KLF7: variants seen among roughly 807,000 people sequenced by gnomAD.
KLF7 encodes the protein KLF transcription factor 7.
KLF7 carries 2 observed loss-of-function variants against 27.3 expected under a neutral mutation model. That is an observed-to-expected ratio of 0.07 (90% CI 0.03 to 0.23). The LOEUF (loss-of-function observed/expected upper bound fraction) is 0.23, where lower values mean the gene tolerates loss of function less well. KLF7 is among the 10% of genes least tolerant of loss of function. KLF7 has a pLI of 1.00. For missense variants in KLF7, 221 were observed against 394.1 expected (o/e 0.56, Z 3.72); for synonymous variants, 165 against 162.4 (o/e 1.02, Z -0.12).
At chr2:207,132,517 G>T (rs2077663565) in intron 1 of KLF7, among the ~76,000 whole-genome samples, 1 of 152,170 alleles carries the variant, frequency 6.6e-6, no homozygotes, top group Non-Finnish European at 1.5e-5. Context: ...TGTTTCCTTG[G>T]GGAGGTGGGT....
rs569002675 is a variant in KLF7, at chr2:207,085,508, AGGG to A, written c.857+2947_857+2949del. Among the ~76,000 whole-genome samples, 396 of 152,266 alleles carry A rather than the reference AGGG, an allele frequency of 2.6e-3. 1 individual carries two copies. Among genetic ancestry groups the A allele is most frequent in the African/African-American group, 9.2e-3 (382 of 41,556 alleles). On this transcript the variant is annotated intron_variant, in intron 3 of 3. Transcript: ENST00000309446. ...TTATCCCTCTAGCCACTGGTCACTCAGGGGGGCTGCACTGTCCAGTCAGATGGT... is the reference window on the plus strand; with the variant it reads ...TTATCCCTCTAGCCACTGGTCACTCAGGGCTGCACTGTCCAGTCAGATGGT...
At chr2:207,084,520 T>G (rs981368433) in intron 3 of KLF7, among the ~76,000 whole-genome samples, 10 of 152,158 alleles carry the variant, frequency 6.6e-5, no homozygotes, top group African/African-American at 2.4e-4. Context: ...ATGAGCATCA[T>G]TATTTGTTCA....
upstream of KLF7, chr2:207,166,756 C>G: frequency 1.0e-6 from 1 of 982,940 alleles, no homozygotes; most frequent in South Asian, 4.7e-5. Context: ...TCCTCACGTA[C>G]TCAAAAACAA....
Position 207,075,648 on chromosome 2 carries a change from A to C in KLF7, c.*5565T>G, listed in dbSNP as rs2076162746. The C allele has an allele frequency of 6.8e-6, 1 of 147,652 alleles. No homozygotes were observed. The highest frequency in any genetic ancestry group is 2.5e-5 in the African/African-American group (1 of 40,388). 9.1% of individuals were successfully genotyped at this position (147,652 alleles called of 1,614,324 possible). A position where few individuals can be genotyped will look rare whatever the true frequency, so the allele number is the denominator to read the frequency against. ...AGTGGCTGGGAAGTTGTGTGGGAGT[A>C]GGAAGTGGGAGAAGGAGCTTGACGC... On this transcript the variant is annotated 3_prime_UTR_variant, in exon 4 of 4. Coordinates refer to ENST00000309446, the MANE Select transcript of KLF7 (RefSeq NM_003709.4).
intron 1 of KLF7, among the ~76,000 whole-genome samples, chr2:207,133,185 G>A (rs1325923133): frequency 6.6e-6 from 1 of 152,152 alleles, no homozygotes; most frequent in Non-Finnish European, 1.5e-5. Context: ...ATTCAGGTTG[G>A]CACTCACTGG....
intron 1 of KLF7, chr2:207,149,299 A>G: frequency 2.1e-6 from 1 of 479,838 alleles, no homozygotes; most frequent in Admixed American, 3.2e-5. Flanking sequence ...TAGACTAGCC[A>G]TACATTTTTC....
chr2:207,084,405 ATAAGCATCTCCCTTTATCCTTCAAAT>A (rs1259765809), intron 3 of KLF7, among the ~76,000 whole-genome samples: 1 of 152,196 alleles, frequency 6.6e-6, no homozygotes, highest in Non-Finnish European at 1.5e-5. Context: ...CAATATATGT[ATAAGCATCTCCCTTTATCCTTCAAAT>A]TCAGGGAAAA....
chr2:207,134,222 C>T (rs2077720893), intron 1 of KLF7: 2 of 1,078,186 alleles, frequency 1.9e-6, no homozygotes, highest in African/African-American at 1.6e-5. Flanking sequence ...CAGTCATCTC[C>T]TTCTCAGTTG....
rs373935250 is a variant in KLF7, at chr2:207,096,340, C to T, written c.734-7759G>A. On this transcript the variant is annotated intron_variant, in intron 2 of 3. Coordinates refer to ENST00000309446, the MANE Select transcript of KLF7 (RefSeq NM_003709.4). Reference sequence around the variant, plus strand: ...AACCAACAGCAGCCCTTCTCTGTTTCGAGGGATCTCCTCCCTGTTGCTGCA... The same window carrying T: ...AACCAACAGCAGCCCTTCTCTGTTTTGAGGGATCTCCTCCCTGTTGCTGCA... 4.3e-4 allele frequency among the ~76,000 whole-genome samples: 65 copies of T among 152,306 alleles called. No homozygotes were observed. In the South Asian group the frequency reaches 0.012, roughly 28 times the overall value.
intron 1 of KLF7, among the ~76,000 whole-genome samples, chr2:207,145,720 T>C (rs1203398886): frequency 6.6e-6 from 1 of 152,192 alleles, no homozygotes; most frequent in African/African-American, 2.4e-5. Flanking sequence ...AATTTAAACT[T>C]CTGTGCCTAT....
chr2:207,144,104 G>C (rs866447483), intron 1 of KLF7, among the ~76,000 whole-genome samples: 1 of 150,158 alleles, frequency 6.7e-6, no homozygotes, highest in East Asian at 2.0e-4. Context: ...ACAGATGAAC[G>C]CAATGTAGAG....
At position 207,075,976 on chromosome 2, in the gene KLF7, G is replaced by A. The variant is rs894954525; in HGVS notation, c.*5237C>T. 2 of 151,678 alleles carry A rather than the reference G, an allele frequency of 1.3e-5. No individual in the cohort carries two copies. Among genetic ancestry groups the A allele is most frequent in the Non-Finnish European group, 2.9e-5 (2 of 67,940 alleles). The allele number at this position is 151,678 out of a possible 1,614,324, so 9.4% of individuals were successfully genotyped here. A position where few individuals can be genotyped will look rare whatever the true frequency, so the allele number is the denominator to read the frequency against. On this transcript the variant is annotated 3_prime_UTR_variant, in exon 4 of 4. Coordinates refer to ENST00000309446, the MANE Select transcript of KLF7 (RefSeq NM_003709.4). The stretch of plus-strand genomic sequence containing the variant: ...GGCCTAGGTTTAAAATGTCCCCTCT[G>A]CCCACCCCCAACCCCTCCCCGCTAT...
rs143418466 is a variant in KLF7 at position 207,079,775 on chromosome 2, G to T, written c.*1438C>A. 6.6e-6 allele frequency: 1 copy of T among 151,976 alleles called. No individual in the cohort carries two copies. The highest frequency in any genetic ancestry group is 2.1e-4 in the South Asian group (1 of 4,822). The allele number at this position is 151,976 out of a possible 1,614,324, so 9.4% of individuals were successfully genotyped here. ...CAAAAAAAAAAGGAAAGAAAGAAAC[G>T]TGTCTCTCCTTTTAGACAGCCCATG... On this transcript the variant is annotated 3_prime_UTR_variant, in exon 4 of 4. Coordinates refer to ENST00000309446, the MANE Select transcript of KLF7 (RefSeq NM_003709.4).
chr2:207,101,933 A>C (rs2076773909), intron 2 of KLF7, among the ~76,000 whole-genome samples: 2 of 152,160 alleles, frequency 1.3e-5, no homozygotes, highest in South Asian at 4.1e-4. Flanking sequence ...AAGACTTAGA[A>C]TGCTGGACAC....
chr2:207,142,809 G>C (rs180934106), intron 1 of KLF7, among the ~76,000 whole-genome samples: 1 of 152,200 alleles, frequency 6.6e-6, no homozygotes, highest in South Asian at 2.1e-4. Context: ...CATTACGGAG[G>C]AGCAAGAAAT....
In KLF7 at chr2:207,158,338, T is replaced by C. The variant is rs550592898; in HGVS notation, c.102+7129A>G. On this transcript the variant is annotated intron_variant, in intron 1 of 3. Transcript: ENST00000309446. ...TTCATCCATCAGACCTCAAAAGACTTTTTGAAAAACCTCTCAGAGGTTGAG... is the reference window on the plus strand; with the variant it reads ...TTCATCCATCAGACCTCAAAAGACTCTTTGAAAAACCTCTCAGAGGTTGAG... Among the ~76,000 whole-genome samples the C allele has an allele frequency of 3.4e-5, 5 of 148,752 alleles. No individual in the cohort carries two copies. In the South Asian group the frequency reaches 1.1e-3, roughly 32 times the overall value.
upstream of KLF7, chr2:207,167,161 T>C: frequency 7.0e-7 from 1 of 1,433,872 alleles, no homozygotes. Context: ...CAGCGAGGTG[T>C]CTGCAGAGCT....
intron 1 of KLF7, among the ~76,000 whole-genome samples, chr2:207,151,404 G>T (rs1057416708): frequency 2.0e-5 from 3 of 152,064 alleles, no homozygotes; most frequent in Non-Finnish European, 4.4e-5. Flanking sequence ...GGGCAGGGGG[G>T]AGGGATCGGA....
chr2:207,144,603 G>C (rs2078043616), intron 1 of KLF7, among the ~76,000 whole-genome samples: 2 of 152,090 alleles, frequency 1.3e-5, no homozygotes. Context: ...AATGAACACA[G>C]GGTGGCTCAG....
Sources: gnomAD v4.1 joint callset for allele counts (sites outside exome capture counted in the v4.1 genomes callset) on GRCh38, gnomAD v4.1.1 for gene constraint, MANE v1.5 for transcripts, NCBI Gene and HGNC (gene_info 2026-07-23, HGNC 2026-07-21) for gene names.